Variants in TTC28 observed in about 807,000 individuals in gnomAD.
TTC28 encodes the protein tetratricopeptide repeat domain 28.
A neutral mutation model predicts 198.0 loss-of-function variants in TTC28; 61 were observed. That is an observed-to-expected ratio of 0.31 (90% CI 0.25 to 0.38). The LOEUF (loss-of-function observed/expected upper bound fraction) is 0.38, where lower values mean the gene tolerates loss of function less well. Among genes scored for constraint, TTC28 ranks in the 10% least tolerant of loss-of-function variants. The probability of loss-of-function intolerance (pLI) is 1.00; values close to 1 mark genes in which losing one functional copy is unlikely to be tolerated. For synonymous variants in TTC28, 1,171 were observed against 1,297.8 expected, an observed-to-expected ratio of 0.90 and a Z score of 2.10; for missense variants, 2,678 against 3,164.0, an observed-to-expected ratio of 0.85 and a Z score of 3.69.
At chr22:28,193,090 C>A (rs960851360) in intron 5 of TTC28, among the ~76,000 whole-genome samples, 12 of 152,190 alleles carry the variant, frequency 7.9e-5, no homozygotes, top group African/African-American at 2.7e-4. Context: ...CAGCTGATCT[C>A]AGGACAGAAA....
rs1208171666 is a variant in TTC28 at position 28,096,320 on chromosome 22, T to C, written c.3636A>G (p.Gln1212=). Residue 1212 remains glutamine (Q), a synonymous_variant, in exon 11 of 23, where the codon CAA becomes CAG. Transcript: ENST00000397906. ...TGACTGGGGAGTAGGGGTCGGAGTC[T>C]TGTTGTCCTGTTTGTCGTTCCACCA... ...DLLVERQTGQ[Q]DSDPYSPVTI... 2 of 1,551,950 alleles carry C rather than the reference T, an allele frequency of 1.3e-6. No individual in the cohort carries two copies. The highest frequency in any genetic ancestry group is 1.7e-6 in the Non-Finnish European group (2 of 1,147,038).
At chr22:28,255,186 A>G (rs1930812733) in intron 5 of TTC28, among the ~76,000 whole-genome samples, 1 of 152,158 alleles carries the variant, frequency 6.6e-6, no homozygotes, top group Non-Finnish European at 1.5e-5. Context: ...AAAGCAAAAG[A>G]CCACACGAGA....
intron 5 of TTC28, among the ~76,000 whole-genome samples, chr22:28,270,515 A>T (rs563133613): frequency 5.3e-5 from 8 of 151,988 alleles, no homozygotes; most frequent in Admixed American, 2.6e-4. Flanking sequence ...ATAAATGCAG[A>T]TTACAATCTG....
intron 6 of TTC28, among the ~76,000 whole-genome samples, chr22:28,158,748 T>C (rs1257797994): frequency 6.6e-6 from 1 of 152,206 alleles, no homozygotes; most frequent in Non-Finnish European, 1.5e-5. Flanking sequence ...CCTTGTCGTA[T>C]CTAAAAATCA....
chr22:27,996,814 C>T (rs1009249972), intron 16 of TTC28, among the ~76,000 whole-genome samples: 3 of 152,226 alleles, frequency 2.0e-5, no homozygotes, highest in Admixed American at 6.5e-5. Flanking sequence ...ACTTTAGGAC[C>T]AACCTGCCCC....
At chr22:28,302,858 A>C (rs1023177461) in intron 3 of TTC28, among the ~76,000 whole-genome samples, 4 of 152,110 alleles carry the variant, frequency 2.6e-5, no homozygotes, top group African/African-American at 7.2e-5. Context: ...TTCAGAAGGA[A>C]GCCTCCTGTG....
intron 1 of TTC28, among the ~76,000 whole-genome samples, chr22:28,674,922 G>A (rs5762740): frequency 1.3e-5 from 2 of 151,428 alleles, no homozygotes; most frequent in South Asian, 2.1e-4. Flanking sequence ...GGAAATATAA[G>A]GGACCCAAAA....
intron 5 of TTC28, among the ~76,000 whole-genome samples, chr22:28,262,008 G>T (rs1931354484): frequency 6.6e-6 from 1 of 152,086 alleles, no homozygotes; most frequent in African/African-American, 2.4e-5. Context: ...ATTATACAGG[G>T]CCAACAAAGT....
At chr22:28,607,389 T>C (rs2050752039) in intron 2 of TTC28, among the ~76,000 whole-genome samples, 1 of 152,152 alleles carries the variant, frequency 6.6e-6, no homozygotes, top group African/African-American at 2.4e-5. Flanking sequence ...AATATAAACT[T>C]TTGCTTAAAT....
chr22:28,040,054 G>A (rs556344124), intron 12 of TTC28, among the ~76,000 whole-genome samples: 1 of 152,260 alleles, frequency 6.6e-6, no homozygotes, highest in African/African-American at 2.4e-5. Context: ...TTGAATCCCT[G>A]AATAGACCAA....
intron 5 of TTC28, among the ~76,000 whole-genome samples, chr22:28,230,930 T>C (rs558033227): frequency 6.6e-6 from 1 of 152,230 alleles, no homozygotes; most frequent in African/African-American, 2.4e-5. Flanking sequence ...TGTGCACCTA[T>C]GTGGGAAGCC....
chr22:28,420,060 C>T (rs2047224347), intron 2 of TTC28, among the ~76,000 whole-genome samples: 1 of 152,140 alleles, frequency 6.6e-6, no homozygotes, highest in Admixed American at 6.6e-5. Context: ...TTTTTGATTG[C>T]TTGGCAGCTG....
At chr22:28,318,437 A>G (rs1306924608) in intron 2 of TTC28, among the ~76,000 whole-genome samples, 2 of 152,172 alleles carry the variant, frequency 1.3e-5, no homozygotes, top group Non-Finnish European at 2.9e-5. Flanking sequence ...ACCAGATGGG[A>G]AAGAAAAACC....
chr22:28,262,525 G>A (rs1931396135), intron 5 of TTC28, among the ~76,000 whole-genome samples: 1 of 152,014 alleles, frequency 6.6e-6, no homozygotes, highest in Admixed American at 6.6e-5. Context: ...AGTTTCCTAT[G>A]TCCATAATAT....
intron 6 of TTC28, among the ~76,000 whole-genome samples, chr22:28,129,472 G>A (rs1052102800): frequency 1.3e-5 from 2 of 152,206 alleles, no homozygotes; most frequent in East Asian, 3.8e-4. Flanking sequence ...AAGAGCAGGA[G>A]CTTGGCGGTC....
intron 6 of TTC28, among the ~76,000 whole-genome samples, chr22:28,119,128 C>A (rs942724402): frequency 6.6e-6 from 1 of 152,136 alleles, no homozygotes; most frequent in African/African-American, 2.4e-5. Context: ...TTGAAAGGCA[C>A]TGTGAGCAGA....
In TTC28 at chr22:27,980,035, TAG is replaced by T. The variant is rs1473594969; in HGVS notation, c.*2184_*2185del. On this transcript the variant is annotated 3_prime_UTR_variant, in exon 23 of 23. Coordinates refer to ENST00000397906, the MANE Select transcript of TTC28 (RefSeq NM_001145418.2). ...GCGGCAGGGTGGTGGGGGTGTTTGC[TAG>T]AGAGGGGCAAATAGGGCCGCAGCCT... 6.6e-6 allele frequency: 1 copy of T among 152,120 alleles called. No individual in the cohort carries two copies. The highest frequency in any genetic ancestry group is 1.5e-5 in the Non-Finnish European group (1 of 68,064). The allele number at this position is 152,120 out of a possible 1,614,324, so 9.4% of individuals were successfully genotyped here. A position where few individuals can be genotyped will look rare whatever the true frequency, so the allele number is the denominator to read the frequency against.
intron 2 of TTC28, among the ~76,000 whole-genome samples, chr22:28,387,306 G>C (rs1327179871): frequency 6.6e-6 from 1 of 152,112 alleles, no homozygotes; most frequent in Admixed American, 6.6e-5. Flanking sequence ...ATAAACATAC[G>C]TGTGCATGTG....
chr22:28,488,759 A>G lies in TTC28; in HGVS notation c.381+140793T>C, dbSNP rs201952357. Among the ~76,000 whole-genome samples, 6 of 152,312 alleles carry G rather than the reference A, an allele frequency of 3.9e-5. No individual in the cohort carries two copies. The East Asian group carries it at 1.2e-3, about 29-fold the overall frequency. On this transcript the variant is annotated intron_variant, in intron 2 of 22. Transcript: ENST00000397906. Reference sequence around the variant, plus strand: ...TCTATAGATCCCTGGCTTCTGACAGAAATCAGTGCAAATCCTCCCTGAAAT... The same window carrying G: ...TCTATAGATCCCTGGCTTCTGACAGGAATCAGTGCAAATCCTCCCTGAAAT...
Sources: allele counts gnomAD v4.1 joint callset (sites outside exome capture counted in the v4.1 genomes callset), GRCh38; gene constraint gnomAD v4.1.1; transcripts MANE v1.5; gene names NCBI Gene and HGNC (gene_info 2026-07-23, HGNC 2026-07-21).